ADPRHL1: variants seen among roughly 807,000 people sequenced by gnomAD.
ADPRHL1 encodes the protein ADP-ribosylhydrolase like 1.
Under a neutral mutation model 44.1 loss-of-function variants are expected in ADPRHL1, and 43 were observed. That is an observed-to-expected ratio of 0.98 (90% CI 0.76 to 1.26). The LOEUF (loss-of-function observed/expected upper bound fraction) is 1.26, where lower values mean the gene tolerates loss of function less well. ADPRHL1 is among the 50% of genes most tolerant of loss of function. The pLI is 0.00. For missense variants in ADPRHL1, 2,022 were observed against 2,496.9 expected, an observed-to-expected ratio of 0.81 and a Z score of 4.05; for synonymous variants, 878 against 1,017.4, an observed-to-expected ratio of 0.86 and a Z score of 2.61.
At chr13:113,420,389 T>C (rs4243796) in intron 7 of ADPRHL1, among the ~76,000 whole-genome samples, 50,875 of 151,798 alleles carry the variant, frequency 0.34, 10,090 homozygotes, top group East Asian at 0.68. Flanking sequence ...GAGTCCACCC[T>C]GTTTGAATGC....
chr13:113,444,396 T>G, intron 2 of ADPRHL1, 29 bp downstream of exon 2: 1 of 1,608,374 alleles, frequency 6.2e-7, no homozygotes, highest in Non-Finnish European at 8.5e-7. Context: ...CAGGGTGGCT[T>G]TAGGGGGAGA....
At position 113,448,465 on chromosome 13, in the gene ADPRHL1, C is replaced by CAAAAAAAAAAA. The variant is rs61278696; in HGVS notation, c.215-3887_215-3877dup. On this transcript the variant is annotated intron_variant, in intron 1 of 7. Coordinates refer to ENST00000612156, the MANE Select transcript of ADPRHL1 (RefSeq NM_001394807.1). ...CGGGCAAAAGAGTGAGACTATGTCC[C>CAAAAAAAAAAA]AAAAAAAAAAAAAAAAAAAAAAAAA... Among the ~76,000 whole-genome samples the CAAAAAAAAAAA allele has an allele frequency of 2.0e-4, 8 of 39,852 alleles. 1 individual carries two copies. Among genetic ancestry groups the CAAAAAAAAAAA allele is most frequent in the African/African-American group, 8.5e-4 (8 of 9,360 alleles). 26.1% of individuals were successfully genotyped at this position (39,852 alleles called of 152,430 possible).
Position 113,433,919 on chromosome 13 carries a change from CCT to C in ADPRHL1, c.380-54_380-53del, listed in dbSNP as rs755778775. On this transcript the variant is annotated intron_variant, in intron 2 of 7. Transcript: ENST00000612156. Reference sequence around the variant, plus strand: ...AGACTTCTGCTCCAATAATTCCACCCCTGACAATCTAGCTTTCATGAATAATT... The same window carrying C: ...AGACTTCTGCTCCAATAATTCCACCCGACAATCTAGCTTTCATGAATAATT... 184 of 1,481,480 alleles carry C rather than the reference CCT, an allele frequency of 1.2e-4. No individual in the cohort carries two copies. The Admixed American group carries it at 1.4e-3, about 11-fold the overall frequency. 91.8% of individuals were successfully genotyped at this position (1,481,480 alleles called of 1,614,324 possible). A position where few individuals can be genotyped will look rare whatever the true frequency, so the allele number is the denominator to read the frequency against.
Position 113,403,959 on chromosome 13 carries a change from G to C in ADPRHL1, c.5323C>G (p.Arg1775Gly). 1.5e-6 allele frequency: 2 copies of C among 1,306,072 alleles called. No individual in the cohort carries two copies. The highest frequency in any genetic ancestry group is 1.9e-6 in the Non-Finnish European group (2 of 1,037,002). The allele number at this position is 1,306,072 out of a possible 1,614,324, so 80.9% of individuals were successfully genotyped here. ...TGCTCCCAGCCCTGATCCCGAGCCCGATCCCGAGCCCATTCCTGAGCCCCT... is the reference window on the plus strand; with the variant it reads ...TGCTCCCAGCCCTGATCCCGAGCCCCATCCCGAGCCCATTCCTGAGCCCCT... ...QKGAQEWARD[R>G]ARDQGWEQTQ... is the part of the protein sequence containing the mutation. The change falls in exon 8 of 8, where the codon CGG becomes GGG. Residue 1775 changes from arginine to glycine, a missense_variant. Around this residue, in one of 8 missense-constraint regions of ADPRHL1, gnomAD observed 205 missense variants for 250.1 expected, o/e 0.82. Coordinates refer to ENST00000612156, the MANE Select transcript of ADPRHL1 (RefSeq NM_001394807.1).
Position 113,441,243 on chromosome 13 carries a change from G to A in ADPRHL1, c.379+3182C>T, listed in dbSNP as rs759130093. 2.6e-5 allele frequency among the ~76,000 whole-genome samples: 4 copies of A among 152,108 alleles called. No individual in the cohort carries two copies. The highest frequency in any genetic ancestry group is 1.9e-4 in the East Asian group (1 of 5,198). On this transcript the variant is annotated intron_variant, in intron 2 of 7. Transcript: ENST00000612156. This position sits in a 1 kb window ranked among gnomAD's most constrained non-coding sequence, Gnocchi z 6.0. ...ATGTGACAACTTCTGACTGTTATTG[G>A]GGGTCTTCACACCATTCGCATTTGG... is the stretch of plus-strand genomic sequence containing the variant.
chr13:113,430,953 C>T (rs955285600), intron 3 of ADPRHL1, among the ~76,000 whole-genome samples: 4 of 152,222 alleles, frequency 2.6e-5, no homozygotes, highest in Admixed American at 1.3e-4. Context: ...TCAGTCCTCA[C>T]GAGAGCCTGT....
At position 113,423,635 on chromosome 13, in the gene ADPRHL1, C is replaced by T. The variant is rs12583020; in HGVS notation, c.907+582G>A. 1.3e-3 allele frequency among the ~76,000 whole-genome samples: 196 copies of T among 152,342 alleles called. 3 individuals are homozygous for T. In the East Asian group the frequency reaches 0.031, roughly 24 times the overall value. ...CCCACAAGGCACAGGGTTGACCTTA[C>T]GGGTAGGAGCTGCCTGGAGCTGCCA... On this transcript the variant is annotated intron_variant, in intron 6 of 7. Transcript: ENST00000612156.
intron 1 of ADPRHL1, among the ~76,000 whole-genome samples, chr13:113,447,402 T>A (rs2044149420): frequency 6.6e-6 from 1 of 151,522 alleles, no homozygotes. Flanking sequence ...GTGCATGGCG[T>A]CTACATGCAC....
At chr13:113,447,401 G>A (rs562517888) in intron 1 of ADPRHL1, among the ~76,000 whole-genome samples, 42 of 151,428 alleles carry the variant, frequency 2.8e-4, no homozygotes, top group African/African-American at 8.0e-4. Context: ...TGTGCATGGC[G>A]TCTACATGCA....
At chr13:113,442,902 G>A (rs1404980972) in intron 2 of ADPRHL1, among the ~76,000 whole-genome samples, 10 of 152,154 alleles carry the variant, frequency 6.6e-5, no homozygotes, top group African/African-American at 1.2e-4. Flanking sequence ...GTGTCTCACC[G>A]TGGATAGTTT....
chr13:113,404,789 C>A lies in ADPRHL1; in HGVS notation c.4493G>T (p.Gly1498Val). The A allele has an allele frequency of 8.0e-7, 1 of 1,254,968 alleles. No homozygotes were observed. Among genetic ancestry groups the A allele is most frequent in the Non-Finnish European group, 1.0e-6 (1 of 1,003,062 alleles). 77.7% of individuals were successfully genotyped at this position (1,254,968 alleles called of 1,614,324 possible). Residue 1498 changes from glycine to valine, a missense_variant, in exon 8 of 8, where the codon GGA becomes GTA. Around this residue, in one of 8 missense-constraint regions of ADPRHL1, gnomAD observed 1,221 missense variants for 1,517.8 expected, o/e 0.80. Transcript: ENST00000612156. Reference protein sequence around the residue: ...AQKQVQEWDRGQVQGHAQEQA... With the variant: ...AQKQVQEWDRVQVQGHAQEQA... Reference sequence around the variant, plus strand: ...TTCTTGAGCGTGTCCCTGAACCTGTCCCCGGTCCCATTCCTGAACCTGTTT... The same window carrying A: ...TTCTTGAGCGTGTCCCTGAACCTGTACCCGGTCCCATTCCTGAACCTGTTT...
At chr13:113,411,492 G>A (rs532576488) in intron 7 of ADPRHL1, among the ~76,000 whole-genome samples, 2 of 152,348 alleles carry the variant, frequency 1.3e-5, no homozygotes, top group South Asian at 4.1e-4. Flanking sequence ...CACTTATGAG[G>A]TCAGCGTGTC....
At chr13:113,443,464 A>G (rs374415489) in intron 2 of ADPRHL1, among the ~76,000 whole-genome samples, 2 of 149,718 alleles carry the variant, frequency 1.3e-5, no homozygotes, top group East Asian at 3.9e-4. Flanking sequence ...AAAAACAACC[A>G]AAACATTAAC....
intron 7 of ADPRHL1, among the ~76,000 whole-genome samples, chr13:113,418,718 C>T (rs560787275): frequency 2.3e-4 from 35 of 152,206 alleles, no homozygotes; most frequent in African/African-American, 7.2e-4. Flanking sequence ...AGCTCACATC[C>T]GTGGGCCTGA....
rs1324698686 is a variant in ADPRHL1 at position 113,403,230 on chromosome 13, C to G, written c.*148G>C. On this transcript the variant is annotated 3_prime_UTR_variant, in exon 8 of 8. Transcript: ENST00000612156. ...ACATGTAGCTCAATCCTCCCAAGGTCAGCTTGTGAAGAAGGGAAAGAAAAT... is the reference window on the plus strand; with the variant it reads ...ACATGTAGCTCAATCCTCCCAAGGTGAGCTTGTGAAGAAGGGAAAGAAAAT... The G allele has an allele frequency of 1.4e-6, 1 of 689,802 alleles. No homozygotes were observed. Among genetic ancestry groups the G allele is most frequent in the Non-Finnish European group, 2.0e-6 (1 of 493,902 alleles). The allele number at this position is 689,802 out of a possible 1,614,324, so 42.7% of individuals were successfully genotyped here.
chr13:113,417,977 C>A (rs868387724), intron 7 of ADPRHL1, among the ~76,000 whole-genome samples: 1 of 151,978 alleles, frequency 6.6e-6, no homozygotes, highest in South Asian at 2.1e-4. Context: ...ATTTTTATAC[C>A]CACAGCCAAA....
At position 113,446,155 on chromosome 13, in the gene ADPRHL1, G is replaced by A. The variant is rs1476612047; in HGVS notation, c.215-1566C>T. ...CTCCCCCCTCCCCCCCAGAGAGCAC[G>A]CAGGGCCCGCAGCTGCAAACCCTCC... On this transcript the variant is annotated intron_variant, in intron 1 of 7. Coordinates refer to ENST00000612156, the MANE Select transcript of ADPRHL1 (RefSeq NM_001394807.1). 3.2e-5 allele frequency among the ~76,000 whole-genome samples: 3 copies of A among 94,128 alleles called. No homozygotes were observed. In the South Asian group the frequency reaches 1.1e-3, roughly 33 times the overall value. The allele number at this position is 94,128 out of a possible 152,430, so 61.8% of individuals were successfully genotyped here.
intron 2 of ADPRHL1, among the ~76,000 whole-genome samples, chr13:113,438,967 A>G (rs957323166): frequency 6.6e-6 from 1 of 152,204 alleles, no homozygotes; most frequent in African/African-American, 2.4e-5. Context: ...TCATTCATTA[A>G]ATAGAGTTTC....
intron 7 of ADPRHL1, among the ~76,000 whole-genome samples, chr13:113,413,631 T>G (rs2139605324): frequency 6.6e-6 from 1 of 152,346 alleles, no homozygotes; most frequent in Non-Finnish European, 1.5e-5. Context: ...CCTCATGCGC[T>G]GGAGCCAGTG....
Sources: gnomAD v4.1 joint callset for allele counts (sites outside exome capture counted in the v4.1 genomes callset) on GRCh38, gnomAD v4.1.1 for gene constraint, gnomAD v4.1.1 regional missense constraint, Gnocchi (gnomAD v3.1) non-coding constraint, MANE v1.5 for transcripts, NCBI Gene and HGNC (gene_info 2026-07-23, HGNC 2026-07-21) for gene names.